ANGPT1: variants seen among roughly 807,000 people sequenced by gnomAD.
ANGPT1 encodes angiopoietin 1, also known as angiopoietin-1.
In ANGPT1, 17 loss-of-function variants were observed where a neutral mutation model predicts 62.2. That is an observed-to-expected ratio of 0.27 (90% confidence interval 0.19 to 0.41). The LOEUF (loss-of-function observed/expected upper bound fraction) is 0.41, where lower values mean the gene tolerates loss of function less well. ANGPT1 is among the 10% of genes least tolerant of loss of function. The pLI is 1.00. For missense variants in ANGPT1, 478 were observed against 594.9 expected (o/e 0.80, Z 2.04); for synonymous variants, 199 against 198.9 (o/e 1.00, Z 0.00).
intron 7 of ANGPT1, among the ~76,000 whole-genome samples, chr8:107,269,893 C>T (rs1813700018): frequency 6.6e-6 from 1 of 152,076 alleles, no homozygotes; most frequent in East Asian, 1.9e-4. Flanking sequence ...ATTAGCATAT[C>T]ATGGGAAAAC....
At chr8:107,405,615 C>T (rs1392789993) in intron 1 of ANGPT1, among the ~76,000 whole-genome samples, 2 of 151,792 alleles carry the variant, frequency 1.3e-5, no homozygotes, top group Non-Finnish European at 2.9e-5. Flanking sequence ...GATTTGGGTC[C>T]CATTCCCAAG....
chr8:107,389,654 A>T (rs1267245614), intron 1 of ANGPT1, among the ~76,000 whole-genome samples: 7 of 152,216 alleles, frequency 4.6e-5, no homozygotes, highest in Admixed American at 3.3e-4. Flanking sequence ...AGAGGATAAC[A>T]TATAACAAAA....
chr8:107,405,014 AC>A (rs1464378202), intron 1 of ANGPT1, among the ~76,000 whole-genome samples: 6 of 152,058 alleles, frequency 3.9e-5, no homozygotes, highest in African/African-American at 1.4e-4. Context: ...TCTTGAGAAC[AC>A]CATGGGTTGA....
chr8:107,266,650 G>T (rs147821357), intron 7 of ANGPT1, among the ~76,000 whole-genome samples: 1 of 152,238 alleles, frequency 6.6e-6, no homozygotes, highest in Non-Finnish European at 1.5e-5. Context: ...TCTGTGATTT[G>T]TAATGGCCTT....
intron 7 of ANGPT1, among the ~76,000 whole-genome samples, chr8:107,273,893 T>A (rs1813798305): frequency 6.7e-6 from 1 of 148,870 alleles, no homozygotes; most frequent in Non-Finnish European, 1.5e-5. Context: ...TGTTTCTTCA[T>A]CATTCTAGGG....
intron 5 of ANGPT1, among the ~76,000 whole-genome samples, chr8:107,301,872 G>A (rs1056358705): frequency 6.6e-6 from 1 of 151,896 alleles, no homozygotes; most frequent in Non-Finnish European, 1.5e-5. Context: ...GTGGTAAAAG[G>A]GAAAATAGAA....
intron 1 of ANGPT1, among the ~76,000 whole-genome samples, chr8:107,359,538 A>G (rs1816116402): frequency 1.3e-5 from 2 of 152,324 alleles, no homozygotes; most frequent in Non-Finnish European, 2.9e-5. Context: ...TAAAATAACC[A>G]TTACCACAAT....
At chr8:107,275,710 T>C (rs1813848469) in intron 7 of ANGPT1, among the ~76,000 whole-genome samples, 1 of 152,158 alleles carries the variant, frequency 6.6e-6, no homozygotes, top group Admixed American at 6.5e-5. Flanking sequence ...GATGGATGCA[T>C]AACAAATATT....
At position 107,388,725 on chromosome 8, in the gene ANGPT1, T is replaced by C. The variant is rs369024043; in HGVS notation, c.298-41628A>G. The stretch of plus-strand genomic sequence containing the variant: ...ATTGAGACAGTAACATTCTGTATCC[T>C]GGCAGAGATTAGTGGCAGAGCCGAA... On this transcript the variant is annotated intron_variant, in intron 1 of 8. Coordinates refer to ENST00000517746, the MANE Select transcript of ANGPT1 (RefSeq NM_001146.5). Among the ~76,000 whole-genome samples, 214 of 152,286 alleles carry C rather than the reference T, an allele frequency of 1.4e-3. 9 individuals carry two copies. In the South Asian group the frequency reaches 0.041, roughly 29 times the overall value.
chr8:107,294,025 T>C lies in ANGPT1; in HGVS notation c.949A>G (p.Met317Val), dbSNP rs1034538028. 12 of 1,611,278 alleles carry C rather than the reference T, an allele frequency of 7.4e-6. No homozygotes were observed. The highest frequency in any genetic ancestry group is 1.7e-5 in the Admixed American group (1 of 59,520). ...MPEPKKVFCN[M>V]DVNGGGWTVI... is the part of the protein sequence containing the mutation. ...GTCCAACCTCCCCCATTGACATCCA[T>C]ATTGCAAAACACCTGACAAATGGAA... The change falls in exon 6 of 9, where the codon ATG becomes GTG. Residue 317 changes from methionine to valine, a missense_variant. By Grantham distance (21) the Met-to-Val change is conservative (BLOSUM62 1). This residue lies in a region of ANGPT1 where 81 missense variants were observed against 117.1 expected (regional missense o/e 0.69). Coordinates refer to ENST00000517746, the MANE Select transcript of ANGPT1 (RefSeq NM_001146.5).
intron 2 of ANGPT1, among the ~76,000 whole-genome samples, chr8:107,342,088 C>A (rs1027985056): frequency 1.2e-4 from 19 of 152,122 alleles, no homozygotes; most frequent in Admixed American, 6.5e-4. Context: ...CAAAAAAACC[C>A]AAAAAAACAT....
chr8:107,393,312 G>A (rs1013966092), intron 1 of ANGPT1, among the ~76,000 whole-genome samples: 2 of 152,096 alleles, frequency 1.3e-5, no homozygotes, highest in Non-Finnish European at 2.9e-5. Flanking sequence ...GGGACTGACT[G>A]CAAAAGATTT....
intron 1 of ANGPT1, among the ~76,000 whole-genome samples, chr8:107,365,643 A>G (rs1229490318): frequency 1.3e-5 from 2 of 152,154 alleles, no homozygotes; most frequent in Non-Finnish European, 2.9e-5. Flanking sequence ...ATGGGATTGT[A>G]AACAGGAAGA....
chr8:107,278,254 T>A (rs1411826884), intron 7 of ANGPT1, among the ~76,000 whole-genome samples: 6 of 151,978 alleles, frequency 3.9e-5, no homozygotes, highest in Non-Finnish European at 8.8e-5. Context: ...GTTTGTTTTT[T>A]TAATTTTTAA....
chr8:107,309,614 TA>T (rs1429243144), intron 4 of ANGPT1, among the ~76,000 whole-genome samples: 1 of 152,152 alleles, frequency 6.6e-6, no homozygotes, highest in Non-Finnish European at 1.5e-5. Context: ...TGGGTAGGTA[TA>T]GGGGTGAGGG....
intron 5 of ANGPT1, among the ~76,000 whole-genome samples, chr8:107,298,610 T>A (rs1364392333): frequency 6.6e-6 from 1 of 151,914 alleles, no homozygotes; most frequent in Non-Finnish European, 1.5e-5. Context: ...TTTGAAAAGA[T>A]AACATTTCTC....
At chr8:107,291,299 G>C (rs1335124974) in intron 6 of ANGPT1, among the ~76,000 whole-genome samples, 3 of 152,176 alleles carry the variant, frequency 2.0e-5, no homozygotes, top group Non-Finnish European at 4.4e-5. Context: ...CTGTGAGGCA[G>C]GTGAAGTATT....
chr8:107,464,947 G>T (rs1341627019), intron 1 of ANGPT1, among the ~76,000 whole-genome samples: 1 of 151,980 alleles, frequency 6.6e-6, no homozygotes, highest in African/African-American at 2.4e-5. Context: ...GATCAAGAAG[G>T]TTTTCCAGAG....
chr8:107,277,377 T>C (rs1432541311), intron 7 of ANGPT1, among the ~76,000 whole-genome samples: 1 of 152,174 alleles, frequency 6.6e-6, no homozygotes, highest in East Asian at 1.9e-4. Context: ...CATTTAAAAA[T>C]AGTACAGTGA....
Sources: allele counts gnomAD v4.1 joint callset (sites outside exome capture counted in the v4.1 genomes callset), GRCh38; gene constraint gnomAD v4.1.1; regional missense constraint gnomAD v4.1.1; transcripts MANE v1.5; gene names NCBI Gene and HGNC (gene_info 2026-07-23, HGNC 2026-07-21).